Variants in RASSF5 observed in about 807,000 individuals in gnomAD.
The protein encoded by RASSF5 is Ras association domain family member 5.
Under a neutral mutation model 40.5 loss-of-function variants are expected in RASSF5, and 25 were observed. The ratio of observed to expected loss-of-function variants is 0.62; its 90% CI spans 0.45 to 0.86. RASSF5 has a LOEUF of 0.86. Ranked by LOEUF, RASSF5 falls within the 40% of genes least tolerant of loss-of-function variation. RASSF5 has a pLI of 0.00. For synonymous variants in RASSF5, 246 were observed against 252.4 expected, an observed-to-expected ratio of 0.97 and a Z score of 0.24; for missense variants, 521 against 572.8, an observed-to-expected ratio of 0.91 and a Z score of 0.92.
chr1:206,508,444 C>A (rs955449495), intron 1 of RASSF5, among the ~76,000 whole-genome samples: 1 of 151,684 alleles, frequency 6.6e-6, no homozygotes, highest in Non-Finnish European at 1.5e-5. Context: ...GTTGTGAGTT[C>A]TTGGGAGTGG....
At chr1:206,532,739 C>T (rs1667274514) in intron 1 of RASSF5, among the ~76,000 whole-genome samples, 1 of 152,216 alleles carries the variant, frequency 6.6e-6, no homozygotes. Flanking sequence ...GTCATCCAGG[C>T]TCAGTCGCCT....
Position 206,584,903 on chromosome 1 carries a change from C to T in RASSF5, c.988+219C>T. The T allele has an allele frequency of 3.3e-6, 2 of 613,802 alleles. No individual in the cohort carries two copies. Among genetic ancestry groups the T allele is most frequent in the South Asian group, 2.0e-5 (1 of 50,518 alleles). 38.0% of individuals were successfully genotyped at this position (613,802 alleles called of 1,614,324 possible). ...GACTTCAGGAAAACCACACCCTAGGCTCCCATTTCCTGATCTGTGCAATGG... is the reference window on the plus strand; with the variant it reads ...GACTTCAGGAAAACCACACCCTAGGTTCCCATTTCCTGATCTGTGCAATGG... On this transcript the variant is annotated intron_variant, in intron 4 of 5. Coordinates refer to ENST00000579436, the MANE Select transcript of RASSF5 (RefSeq NM_182663.4). This position sits in a 1 kb window ranked among gnomAD's most constrained non-coding sequence, Gnocchi z 4.9.
chr1:206,574,984 C>T (rs1004603191), intron 2 of RASSF5, among the ~76,000 whole-genome samples: 20 of 151,646 alleles, frequency 1.3e-4, no homozygotes, highest in Middle Eastern at 3.4e-3. Context: ...CTTAGCCTCC[C>T]GAGTAGTTGG....
At chr1:206,563,840 A>G (rs1668215668) in intron 2 of RASSF5, among the ~76,000 whole-genome samples, 1 of 152,208 alleles carries the variant, frequency 6.6e-6, no homozygotes, top group Non-Finnish European at 1.5e-5. Flanking sequence ...CCAGTCACAC[A>G]GCTCAGTAGA....
intron 1 of RASSF5, among the ~76,000 whole-genome samples, chr1:206,524,959 T>C (rs782693830): frequency 2.6e-5 from 4 of 151,822 alleles, no homozygotes; most frequent in Non-Finnish European, 4.4e-5. Flanking sequence ...AAACAGGCCA[T>C]GTGGAGAAGG....
At chr1:206,525,905 A>G (rs1667085731) in intron 1 of RASSF5, among the ~76,000 whole-genome samples, 1 of 152,210 alleles carries the variant, frequency 6.6e-6, no homozygotes. Flanking sequence ...GGAAGAGAGT[A>G]AAGACCAGGA....
At chr1:206,523,969 A>G (rs1334944430) in intron 1 of RASSF5, among the ~76,000 whole-genome samples, 3 of 116,020 alleles carry the variant, frequency 2.6e-5, no homozygotes, top group South Asian at 2.4e-4. Context: ...ACCATATATA[A>G]TATATTTTAT....
At chr1:206,585,962 G>C (rs1194146058) in intron 5 of RASSF5, 1 of 152,226 alleles carries the variant, frequency 6.6e-6, no homozygotes, top group Admixed American at 6.5e-5. Context: ...TTTCTTTATT[G>C]GCATCTGTGC....
chr1:206,547,971 A>G (rs1487986209), intron 2 of RASSF5, among the ~76,000 whole-genome samples: 2 of 151,978 alleles, frequency 1.3e-5, no homozygotes, highest in Non-Finnish European at 2.9e-5. Flanking sequence ...AGTTTTTTCA[A>G]CTTTCCATGT....
chr1:206,589,423 A>G lies in RASSF5; in HGVS notation c.*2445A>G, dbSNP rs1553408542. 2 of 152,378 alleles carry G rather than the reference A, an allele frequency of 1.3e-5. No homozygotes were observed. Among genetic ancestry groups the G allele is most frequent in the Non-Finnish European group, 2.9e-5 (2 of 68,032 alleles). The allele number at this position is 152,378 out of a possible 1,614,324, so 9.4% of individuals were successfully genotyped here. A position where few individuals can be genotyped will look rare whatever the true frequency, so the allele number is the denominator to read the frequency against. ...AGCAGAGAAATGAAGGCTACTGTTC[A>G]AATAATTTGGGAAAAATTGTCCAAA... is the stretch of plus-strand genomic sequence containing the variant. On this transcript the variant is annotated 3_prime_UTR_variant, in exon 6 of 6. Transcript: ENST00000579436.
In RASSF5 at chr1:206,585,284, G is replaced by A. The variant is rs1553407380; in HGVS notation, c.1093G>A (p.Gly365Arg). 6.2e-7 allele frequency: 1 copy of A among 1,613,828 alleles called. No homozygotes were observed. ...CTTTGTGCTAAAGGAGAATGAAACT[G>A]GAGAGGTAGAGGTAGGTCTGGACCC... ...LSFVLKENET[G>R]EVEWDAFSIP... The change falls in exon 5 of 6, where the codon GGA (glycine) becomes AGA (arginine). Residue 365 changes from glycine (G) to arginine (R), a missense_variant. Coordinates refer to ENST00000579436, the MANE Select transcript of RASSF5 (RefSeq NM_182663.4).
chr1:206,551,271 A>G (rs1667833490), intron 2 of RASSF5, among the ~76,000 whole-genome samples: 1 of 152,192 alleles, frequency 6.6e-6, no homozygotes, highest in African/African-American at 2.4e-5. Flanking sequence ...CCTTCCCTTG[A>G]TAAGAAGCTA....
intron 2 of RASSF5, among the ~76,000 whole-genome samples, chr1:206,578,573 G>A (rs1420890555): frequency 2.6e-5 from 4 of 152,160 alleles, no homozygotes; most frequent in African/African-American, 4.8e-5. Flanking sequence ...GCCAGAAGGA[G>A]GAAAGACTGA....
intron 1 of RASSF5, among the ~76,000 whole-genome samples, chr1:206,509,621 T>C (rs1177943777): frequency 3.3e-5 from 5 of 152,190 alleles, no homozygotes; most frequent in South Asian, 2.1e-4. Flanking sequence ...GGTTTTATCA[T>C]AGCTGGAATC....
rs1446822164 is a variant in RASSF5, at chr1:206,579,394, T to G, written c.580-3875T>G. The stretch of plus-strand genomic sequence containing the variant: ...AAAACTGTCTGCTTGGTTTCTCGCT[T>G]TGTACCCGTGGACAGATCCTTAAGA... On this transcript the variant is annotated intron_variant, in intron 2 of 5. Coordinates refer to ENST00000579436, the MANE Select transcript of RASSF5 (RefSeq NM_182663.4). The surrounding 1 kb of genome is among the most constrained non-coding windows in gnomAD (Gnocchi z 4.2). Among the ~76,000 whole-genome samples the G allele has an allele frequency of 1.3e-5, 2 of 152,218 alleles. No homozygotes were observed. Among genetic ancestry groups the G allele is most frequent in the Non-Finnish European group, 2.9e-5 (2 of 68,048 alleles).
Position 206,514,960 on chromosome 1 carries a change from C to T in RASSF5, c.457+6901C>T, listed in dbSNP as rs186392169. ...TGTCAGGATTGCAATTCTGTTTCGTCGGTAGAACTGATGTAATCAGGGCCA... is the reference window on the plus strand; with the variant it reads ...TGTCAGGATTGCAATTCTGTTTCGTTGGTAGAACTGATGTAATCAGGGCCA... On this transcript the variant is annotated intron_variant, in intron 1 of 5. Coordinates refer to ENST00000579436, the MANE Select transcript of RASSF5 (RefSeq NM_182663.4). Among the ~76,000 whole-genome samples the T allele has an allele frequency of 1.1e-4, 17 of 152,278 alleles. No homozygotes were observed. The East Asian group carries it at 3.1e-3, about 28-fold the overall frequency.
At chr1:206,529,185 C>G (rs1460986096) in intron 1 of RASSF5, 11 of 1,462,582 alleles carry the variant, frequency 7.5e-6, no homozygotes, top group Non-Finnish European at 1.0e-5. Context: ...AACAGCTACT[C>G]AGCTGCTTAA....
intron 1 of RASSF5, among the ~76,000 whole-genome samples, chr1:206,533,772 A>G (rs1488004143): frequency 6.6e-6 from 1 of 152,108 alleles, no homozygotes; most frequent in South Asian, 2.1e-4. Context: ...GAAAAAAAAA[A>G]GTTCTAACCC....
In RASSF5 at chr1:206,507,668, G is replaced by A; in HGVS notation, c.66G>A (p.Pro22=). The change falls in exon 1 of 6, where the codon CCG becomes CCA. Residue 22 remains proline, a synonymous_variant. Transcript: ENST00000579436. ...PYPLLLDPEP[P]RYLQSLSGPE... ...CGCTACTATTGGACCCCGAGCCGCC[G>A]CGCTATCTACAGAGCCTGAGCGGCC... 6.6e-7 allele frequency: 1 copy of A among 1,526,328 alleles called. No individual in the cohort carries two copies. The highest frequency in any genetic ancestry group is 8.7e-7 in the Non-Finnish European group (1 of 1,143,056). The allele number at this position is 1,526,328 out of a possible 1,614,324, so 94.5% of individuals were successfully genotyped here. A position where few individuals can be genotyped will look rare whatever the true frequency, so the allele number is the denominator to read the frequency against.
Sources: gnomAD v4.1 joint callset for allele counts (sites outside exome capture counted in the v4.1 genomes callset) on GRCh38, gnomAD v4.1.1 for gene constraint, Gnocchi (gnomAD v3.1) non-coding constraint, MANE v1.5 for transcripts, NCBI Gene and HGNC (gene_info 2026-07-23, HGNC 2026-07-21) for gene names.